Variants in CACNA1I observed in about 807,000 individuals in gnomAD.
The protein encoded by CACNA1I is calcium voltage-gated channel subunit alpha1 I.
Under a neutral mutation model 201.6 loss-of-function variants are expected in CACNA1I, and 74 were observed. The observed-to-expected ratio is 0.37, with a 90% CI of 0.30 to 0.45. The LOEUF (loss-of-function observed/expected upper bound fraction) is 0.45, where lower values mean the gene tolerates loss of function less well. CACNA1I is among the 20% of genes least tolerant of loss of function. CACNA1I has a pLI of 1.00. For synonymous variants in CACNA1I, 1,431 were observed against 1,345.2 expected (o/e 1.06, Z -1.40); for missense variants, 2,346 against 3,138.1 (o/e 0.75, Z 6.03).
In CACNA1I at chr22:39,670,238, G is replaced by C; in HGVS notation, c.4387+8G>C. 1 of 1,609,982 alleles carries C rather than the reference G, an allele frequency of 6.2e-7. No individual in the cohort carries two copies. The highest frequency in any genetic ancestry group is 8.5e-7 in the Non-Finnish European group (1 of 1,179,386). On this transcript the variant is annotated splice_region_variant and intron_variant, in intron 25 of 36. Coordinates refer to ENST00000402142, the MANE Select transcript of CACNA1I (RefSeq NM_021096.4). ...TGGAGAAGAAGCGCCGGAGTGAGTG[G>C]GTGCCTGTGGAGGGCGTGGGCCACC... is the stretch of plus-strand genomic sequence containing the variant.
In CACNA1I at chr22:39,659,360, CTG is replaced by C; in HGVS notation, c.2331-72_2331-71del. Reference sequence around the variant, plus strand: ...CCTGCCCTGCATTTTACTGAGTTGACTGAGAATGAAACAAGGTGAGTAGGCAG... The same window carrying C: ...CCTGCCCTGCATTTTACTGAGTTGACAGAATGAAACAAGGTGAGTAGGCAG... On this transcript the variant is annotated intron_variant, in intron 12 of 36. Coordinates refer to ENST00000402142, the MANE Select transcript of CACNA1I (RefSeq NM_021096.4). This position sits in a 1 kb window ranked among gnomAD's most constrained non-coding sequence, Gnocchi z 4.3. The C allele has an allele frequency of 9.0e-7, 1 of 1,108,936 alleles. No individual in the cohort carries two copies. The highest frequency in any genetic ancestry group is 1.4e-5 in the South Asian group (1 of 73,596). 68.7% of individuals were successfully genotyped at this position (1,108,936 alleles called of 1,614,324 possible).
rs188860601 is a variant in CACNA1I at position 39,684,040 on chromosome 22, G to A, written c.5831-262G>A. ...GGAAGAGAGCTAGGCTTGAGCCCGCGTCTGCTTGCCTCCAAAAGCTGTGTC... is the reference window on the plus strand; with the variant it reads ...GGAAGAGAGCTAGGCTTGAGCCCGCATCTGCTTGCCTCCAAAAGCTGTGTC... On this transcript the variant is annotated intron_variant, in intron 35 of 36. Coordinates refer to ENST00000402142, the MANE Select transcript of CACNA1I (RefSeq NM_021096.4). This position sits in a 1 kb window ranked among gnomAD's most constrained non-coding sequence, Gnocchi z 4.6. 8.5e-5 allele frequency among the ~76,000 whole-genome samples: 13 copies of A among 152,232 alleles called. No individual in the cohort carries two copies. Among genetic ancestry groups the A allele is most frequent in the East Asian group, 3.9e-4 (2 of 5,176 alleles).
In CACNA1I at chr22:39,670,193, G is replaced by A. The variant is rs1367325425; in HGVS notation, c.4350G>A (p.Glu1450=). 1 of 1,613,736 alleles carries A rather than the reference G, an allele frequency of 6.2e-7. No individual in the cohort carries two copies. Among genetic ancestry groups the A allele is most frequent in the Admixed American group, 1.7e-5 (1 of 60,010 alleles). The change falls in exon 25 of 37, where the codon GAG becomes GAA. Residue 1450 remains glutamate (E), a synonymous_variant. Coordinates refer to ENST00000402142, the MANE Select transcript of CACNA1I (RefSeq NM_021096.4). ...HQEAEEARRR[E]EKRLRRLEKK... Reference sequence around the variant, plus strand: ...AGGCTGAAGAGGCACGGCGGCGTGAGGAGAAGCGGCTGCGGCGCCTGGAGA... The same window carrying A: ...AGGCTGAAGAGGCACGGCGGCGTGAAGAGAAGCGGCTGCGGCGCCTGGAGA...
chr22:39,673,998 G>A lies in CACNA1I; in HGVS notation c.4819G>A (p.Ala1607Thr), dbSNP rs950143760. 6.2e-7 allele frequency: 1 copy of A among 1,613,302 alleles called. No homozygotes were observed. The highest frequency in any genetic ancestry group is 8.5e-7 in the Non-Finnish European group (1 of 1,179,854). Residue 1607 changes from alanine (A) to threonine (T), a missense_variant, in exon 29 of 37, where the codon GCC (alanine) becomes ACC (threonine). Ala to Thr is a moderately conservative substitution (Grantham distance 58). Coordinates refer to ENST00000402142, the MANE Select transcript of CACNA1I (RefSeq NM_021096.4). ...KLLKMATGMRALLDTVVQALP... is the reference protein window; with the variant it reads ...KLLKMATGMRTLLDTVVQALP... ...GTTGAAGATGGCCACAGGAATGCGG[G>A]CCCTGCTGGACACGGTGGTGCAAGC...
At chr22:39,597,617 A>C (rs892128772) in intron 1 of CACNA1I, among the ~76,000 whole-genome samples, 1 of 152,228 alleles carries the variant, frequency 6.6e-6, no homozygotes, top group Non-Finnish European at 1.5e-5. Context: ...GAGTTAGGTG[A>C]TGAGCCCTAC....
chr22:39,631,669 CTCTT>C (rs772759836), intron 4 of CACNA1I, among the ~76,000 whole-genome samples: 13 of 152,106 alleles, frequency 8.5e-5, no homozygotes, highest in Non-Finnish European at 1.8e-4. Context: ...TCTTCTGTCT[CTCTT>C]TCTGTCACTC....
At chr22:39,619,957 G>A (rs924664608) in intron 4 of CACNA1I, among the ~76,000 whole-genome samples, 12 of 128,914 alleles carry the variant, frequency 9.3e-5, no homozygotes, top group Non-Finnish European at 1.3e-4. Flanking sequence ...CCATCCGTCC[G>A]TCCGTCCATC....
intron 1 of CACNA1I, among the ~76,000 whole-genome samples, chr22:39,575,755 T>C (rs949132042): frequency 2.0e-5 from 3 of 150,540 alleles, no homozygotes; most frequent in African/African-American, 7.3e-5. Flanking sequence ...GATTAGACTT[T>C]CAGAGCCTTT....
intron 23 of CACNA1I, among the ~76,000 whole-genome samples, chr22:39,667,253 T>G (rs1381077791): frequency 6.6e-6 from 1 of 152,190 alleles, no homozygotes; most frequent in Non-Finnish European, 1.5e-5. Flanking sequence ...TGCTCCTGGG[T>G]CTGAACACTT....
rs943175178 is a variant in CACNA1I at position 39,684,717 on chromosome 22, C to T, written c.6027+219C>T. ...GGGCGGGGCTGGGTCCTGGGGACAGCAGAGTGTGGGGAGGACCCCAAGGCG... is the reference window on the plus strand; with the variant it reads ...GGGCGGGGCTGGGTCCTGGGGACAGTAGAGTGTGGGGAGGACCCCAAGGCG... On this transcript the variant is annotated intron_variant, in intron 36 of 36. Transcript: ENST00000402142. The surrounding 1 kb of genome is among the most constrained non-coding windows in gnomAD (Gnocchi z 4.6). The T allele has an allele frequency of 6.5e-6, 4 of 615,488 alleles. No individual in the cohort carries two copies. The highest frequency in any genetic ancestry group is 1.1e-5 in the Non-Finnish European group (4 of 347,886). The allele number at this position is 615,488 out of a possible 1,614,324, so 38.1% of individuals were successfully genotyped here.
intron 10 of CACNA1I, chr22:39,656,606 C>T: frequency 3.9e-6 from 2 of 518,722 alleles, no homozygotes; most frequent in Non-Finnish European, 7.7e-6. Context: ...TCGAGCCCAG[C>T]ACATCATGTC....
At chr22:39,639,297 GT>G (rs1192550245) in intron 5 of CACNA1I, among the ~76,000 whole-genome samples, 1 of 152,098 alleles carries the variant, frequency 6.6e-6, no homozygotes, top group Non-Finnish European at 1.5e-5. Flanking sequence ...TTTGTTGCTT[GT>G]CTTTTTACTT....
rs1601536946 is a variant in CACNA1I, at chr22:39,686,156, G to T, written c.6423G>T (p.Pro2141=). 3 of 1,177,836 alleles carry T rather than the reference G, an allele frequency of 2.5e-6. No homozygotes were observed. Among genetic ancestry groups the T allele is most frequent in the African/African-American group, 3.4e-5 (2 of 59,662 alleles). The allele number at this position is 1,177,836 out of a possible 1,614,324, so 73.0% of individuals were successfully genotyped here. ...SLTSLFCPPP[P]PPAPGLTPAR... ...CCTCCCTCTTCTGCCCGCCGCCCCC[G>T]CCGCCAGCCCCCGGCCTCACGCCCG... The change falls in exon 37 of 37, where the codon CCG becomes CCT. Residue 2141 remains proline (P), a synonymous_variant. Coordinates refer to ENST00000402142, the MANE Select transcript of CACNA1I (RefSeq NM_021096.4).
rs1440174521 is a variant in CACNA1I, at chr22:39,665,504, C to T, written c.3858C>T (p.Ile1286=). ...GGCCTCTCCCTGCCGTCAGTGTCATCAGCCGGGCGCCGGGCCTGAAGCTGG... is the reference window on the plus strand; with the variant it reads ...GGCCTCTCCCTGCCGTCAGTGTCATTAGCCGGGCGCCGGGCCTGAAGCTGG... ...LLRTLRPLRV[I]SRAPGLKLVV... The change falls in exon 22 of 37, where the codon ATC becomes ATT. Residue 1286 remains isoleucine (I), a synonymous_variant. Coordinates refer to ENST00000402142, the MANE Select transcript of CACNA1I (RefSeq NM_021096.4). This position sits in a 1 kb window ranked among gnomAD's most constrained non-coding sequence, Gnocchi z 5.5. 17 of 1,613,684 alleles carry T rather than the reference C, an allele frequency of 1.1e-5. No homozygotes were observed. The highest frequency in any genetic ancestry group is 1.4e-5 in the Non-Finnish European group (16 of 1,179,766).
chr22:39,650,054 G>A, intron 10 of CACNA1I, 129 bp downstream of exon 10: 2 of 994,776 alleles, frequency 2.0e-6, no homozygotes, highest in Non-Finnish European at 3.0e-6. Flanking sequence ...GCCGGGCTGA[G>A]CTGGGTCCAG....
intron 1 of CACNA1I, chr22:39,587,717 T>G (rs1014900122): frequency 4.4e-6 from 2 of 451,492 alleles, no homozygotes; most frequent in African/African-American, 2.0e-5. Context: ...TCCTGTGGGG[T>G]TTGGCAATAG....
chr22:39,572,197 G>A (rs1056387910), intron 1 of CACNA1I, among the ~76,000 whole-genome samples: 1 of 152,160 alleles, frequency 6.6e-6, no homozygotes, highest in Non-Finnish European at 1.5e-5. Context: ...TGGAAGGACT[G>A]TGTGGCACTG....
chr22:39,600,293 C>T (rs1168250908), intron 2 of CACNA1I, among the ~76,000 whole-genome samples: 2 of 152,116 alleles, frequency 1.3e-5, no homozygotes. Flanking sequence ...GGCTGTATGA[C>T]CTTGGGCAAA....
chr22:39,638,986 G>A (rs1015945649), intron 5 of CACNA1I, among the ~76,000 whole-genome samples: 1 of 152,172 alleles, frequency 6.6e-6, no homozygotes, highest in African/African-American at 2.4e-5. Flanking sequence ...CTCCCTTGCT[G>A]GACACTCACC....
Sources: allele counts gnomAD v4.1 joint callset (sites outside exome capture counted in the v4.1 genomes callset), GRCh38; gene constraint gnomAD v4.1.1; non-coding constraint Gnocchi (gnomAD v3.1); transcripts MANE v1.5; gene names NCBI Gene and HGNC (gene_info 2026-07-23, HGNC 2026-07-21).